CTTNBP2NL: variants seen among roughly 807,000 people sequenced by gnomAD.
CTTNBP2NL encodes CTTNBP2 N-terminal like.
A neutral mutation model predicts 32.5 loss-of-function variants in CTTNBP2NL; 16 were observed. The ratio of observed to expected loss-of-function variants is 0.49; its 90% CI spans 0.33 to 0.75. The LOEUF (loss-of-function observed/expected upper bound fraction) is 0.75, where lower values mean the gene tolerates loss of function less well. Among genes scored for constraint, CTTNBP2NL ranks in the 30% least tolerant of loss-of-function variants. CTTNBP2NL has a pLI of 0.02. For missense variants in CTTNBP2NL, 645 were observed against 756.0 expected, an observed-to-expected ratio of 0.85 and a Z score of 1.72; for synonymous variants, 298 against 289.4, an observed-to-expected ratio of 1.03 and a Z score of -0.30.
intron 3 of CTTNBP2NL, among the ~76,000 whole-genome samples, chr1:112,438,101 C>T (rs984688533): frequency 1.3e-5 from 2 of 152,096 alleles, no homozygotes; most frequent in African/African-American, 4.8e-5. Flanking sequence ...ACATTTAAGT[C>T]TGTAATCCAT....
At position 112,449,063 on chromosome 1, in the gene CTTNBP2NL, C is replaced by T. The variant is rs1284461678; in HGVS notation, c.221C>T (p.Pro74Leu). 1 of 1,612,530 alleles carries T rather than the reference C, an allele frequency of 6.2e-7. No individual in the cohort carries two copies. Among genetic ancestry groups the T allele is most frequent in the African/African-American group, 1.3e-5 (1 of 74,912 alleles). Reference sequence around the variant, plus strand: ...GAGAAAAATGATGGCGAAAAGCAGCCAGTCTGCACAAATCCACTCTCTATT... The same window carrying T: ...GAGAAAAATGATGGCGAAAAGCAGCTAGTCTGCACAAATCCACTCTCTATT... ...LKEKNDGEKQ[P>L]VCTNPLSILK... The change falls in exon 4 of 6, where the codon CCA (proline) becomes CTA (leucine). Residue 74 changes from proline to leucine, a missense_variant. Physicochemically the swap from Pro to Leu is moderately conservative, Grantham distance 98. Transcript: ENST00000271277.
chr1:112,425,734 G>A (rs1335636238), intron 3 of CTTNBP2NL, among the ~76,000 whole-genome samples: 1 of 151,648 alleles, frequency 6.6e-6, no homozygotes, highest in Non-Finnish European at 1.5e-5. Flanking sequence ...ATGGTAGCGT[G>A]CATCTGTAAC....
chr1:112,395,605 G>T (rs936331149), upstream of CTTNBP2NL, among the ~76,000 whole-genome samples: 1 of 152,206 alleles, frequency 6.6e-6, no homozygotes, highest in Non-Finnish European at 1.5e-5. Context: ...AGGTCGGCTG[G>T]GTTTATGTCC....
intron 3 of CTTNBP2NL, among the ~76,000 whole-genome samples, chr1:112,443,438 T>G (rs1193306827): frequency 6.6e-6 from 1 of 152,208 alleles, no homozygotes; most frequent in Non-Finnish European, 1.5e-5. Flanking sequence ...GGTCTTGAAC[T>G]CCTCACCTGA....
At position 112,456,596 on chromosome 1, in the gene CTTNBP2NL, A is replaced by G; in HGVS notation, c.1104A>G (p.Val368=). ...TTRELTAGNN[V]ENQVPPREKS... is the part of the protein sequence containing the mutation. ...GGGAGCTGACTGCAGGCAACAATGT[A>G]GAAAACCAGGTGCCTCCACGGGAAA... is the stretch of plus-strand genomic sequence containing the variant. Residue 368 remains valine, a synonymous_variant, in exon 6 of 6, where the codon GTA becomes GTG. Coordinates refer to ENST00000271277, the MANE Select transcript of CTTNBP2NL (RefSeq NM_018704.3). The G allele has an allele frequency of 1.2e-6, 2 of 1,614,198 alleles. No individual in the cohort carries two copies. The highest frequency in any genetic ancestry group is 1.7e-6 in the Non-Finnish European group (2 of 1,180,026).
At chr1:112,410,294 A>C (rs980000120) in intron 1 of CTTNBP2NL, among the ~76,000 whole-genome samples, 1 of 151,816 alleles carries the variant, frequency 6.6e-6, no homozygotes, top group African/African-American at 2.4e-5. Flanking sequence ...CAGAAGGCTG[A>C]GGTGGGAGAA....
rs201383873 is a variant in CTTNBP2NL at position 112,454,519 on chromosome 1, A to G, written c.401A>G (p.Tyr134Cys). 1.9e-5 allele frequency: 30 copies of G among 1,613,872 alleles called. No homozygotes were observed. The East Asian group carries it at 6.2e-4, about 34-fold the overall frequency. The change falls in exon 5 of 6, where the codon TAC (tyrosine) becomes TGC (cysteine). Residue 134 changes from tyrosine to cysteine, a missense_variant. Tyr to Cys is a radical substitution (Grantham distance 194, BLOSUM62 -2). Transcript: ENST00000271277. Reference protein sequence around the residue: ...QDTAEGDDVTYMLEKERERLT... With the variant: ...QDTAEGDDVTCMLEKERERLT... ...ACGGCTGAAGGAGATGATGTCACCT[A>G]CATGCTAGAGAAGGAAAGAGAGAGG...
chr1:112,446,068 G>A lies in CTTNBP2NL; in HGVS notation c.100-2874G>A, dbSNP rs770495504. The stretch of plus-strand genomic sequence containing the variant: ...TTCCTTTACCATCACTAACCATACT[G>A]AAATGGCTATCATGAATAAGAAATG... On this transcript the variant is annotated intron_variant, in intron 3 of 5. Transcript: ENST00000271277. Among the ~76,000 whole-genome samples the A allele has an allele frequency of 2.8e-4, 43 of 152,198 alleles. 1 individual carries two copies. The highest frequency in any genetic ancestry group is 6.5e-5 in the Admixed American group (1 of 15,288).
intron 3 of CTTNBP2NL, among the ~76,000 whole-genome samples, chr1:112,430,204 T>G (rs397861645): frequency 5.4e-4 from 29 of 53,406 alleles, no homozygotes; most frequent in African/African-American, 1.2e-3. Flanking sequence ...TTCTTTTCTT[T>G]TCTTTTCTTT....
rs1440473775 is a variant in CTTNBP2NL at position 112,457,092 on chromosome 1, C to G, written c.1600C>G (p.Arg534Gly). 3 of 1,614,032 alleles carry G rather than the reference C, an allele frequency of 1.9e-6. No homozygotes were observed. Among genetic ancestry groups the G allele is most frequent in the East Asian group, 2.2e-5 (1 of 44,880 alleles). The change falls in exon 6 of 6, where the codon CGA becomes GGA. Residue 534 changes from arginine (R) to glycine (G), a missense_variant. Coordinates refer to ENST00000271277, the MANE Select transcript of CTTNBP2NL (RefSeq NM_018704.3). Reference sequence around the variant, plus strand: ...CAGCTCTCCCTTTGGCACAGACTATCGAAATCTAGCCAACACTGCCAATCC... The same window carrying G: ...CAGCTCTCCCTTTGGCACAGACTATGGAAATCTAGCCAACACTGCCAATCC... ...PNSSPFGTDYRNLANTANPRG... is the reference protein window; with the variant it reads ...PNSSPFGTDYGNLANTANPRG...
At chr1:112,429,077 A>G (rs926363763) in intron 3 of CTTNBP2NL, among the ~76,000 whole-genome samples, 3 of 152,194 alleles carry the variant, frequency 2.0e-5, no homozygotes, top group African/African-American at 4.8e-5. Flanking sequence ...ATAGCCCTCT[A>G]TGGTTTTCAG....
At position 112,451,821 on chromosome 1, in the gene CTTNBP2NL, A is replaced by G. The variant is rs372914271; in HGVS notation, c.331-2628A>G. On this transcript the variant is annotated intron_variant, in intron 4 of 5. Coordinates refer to ENST00000271277, the MANE Select transcript of CTTNBP2NL (RefSeq NM_018704.3). ...CAAACAAAAAAACAGGCTTTGAGCC[A>G]GTTCTCCTGTTTTCTATTCTACATT... Among the ~76,000 whole-genome samples, 11 of 150,950 alleles carry G rather than the reference A, an allele frequency of 7.3e-5. No homozygotes were observed. In the East Asian group the frequency reaches 1.9e-3, roughly 27 times the overall value.
chr1:112,411,863 G>T (rs1648877942), intron 1 of CTTNBP2NL, among the ~76,000 whole-genome samples: 1 of 152,074 alleles, frequency 6.6e-6, no homozygotes, highest in Non-Finnish European at 1.5e-5. Context: ...TAAGTGCGTT[G>T]TGCTTAAGTC....
intron 3 of CTTNBP2NL, among the ~76,000 whole-genome samples, chr1:112,447,232 C>A (rs1650072808): frequency 6.9e-6 from 1 of 144,130 alleles, no homozygotes; most frequent in African/African-American, 2.6e-5. Flanking sequence ...CAAGATTGTG[C>A]CACTGCTCTC....
rs1023016603 is a variant in CTTNBP2NL, at chr1:112,460,010, T to C, written c.*2598T>C. ...CAGTTAGGTATTATAGATTAGTATTTAAGTTTGCTGTAGATTGTGTGTGTG... is the reference window on the plus strand; with the variant it reads ...CAGTTAGGTATTATAGATTAGTATTCAAGTTTGCTGTAGATTGTGTGTGTG... On this transcript the variant is annotated 3_prime_UTR_variant, in exon 6 of 6. Transcript: ENST00000271277. 6.6e-6 allele frequency: 1 copy of C among 152,200 alleles called. No homozygotes were observed. The highest frequency in any genetic ancestry group is 1.5e-5 in the Non-Finnish European group (1 of 68,034). 9.4% of individuals were successfully genotyped at this position (152,200 alleles called of 1,614,324 possible).
chr1:112,417,143 T>C (rs1262733767), intron 3 of CTTNBP2NL, among the ~76,000 whole-genome samples: 1 of 152,194 alleles, frequency 6.6e-6, no homozygotes, highest in African/African-American at 2.4e-5. Context: ...TCGTTTTCTC[T>C]TTTATAGTTT....
At chr1:112,431,623 T>C (rs1649569907) in intron 3 of CTTNBP2NL, among the ~76,000 whole-genome samples, 1 of 152,220 alleles carries the variant, frequency 6.6e-6, no homozygotes, top group Non-Finnish European at 1.5e-5. Context: ...TATTGGAAAC[T>C]GTAAACAACA....
intron 3 of CTTNBP2NL, among the ~76,000 whole-genome samples, chr1:112,423,837 C>T (rs572215484): frequency 6.6e-6 from 1 of 152,318 alleles, no homozygotes; most frequent in South Asian, 2.1e-4. Flanking sequence ...GATTCTCCTG[C>T]CTCTGCCTCC....
At chr1:112,400,779 C>T (rs552030123) in intron 1 of CTTNBP2NL, among the ~76,000 whole-genome samples, 17 of 150,226 alleles carry the variant, frequency 1.1e-4, no homozygotes, top group African/African-American at 3.7e-4. Flanking sequence ...GCAACAAGAG[C>T]GAAACTCTGT....
Sources: gnomAD v4.1 joint callset for allele counts (sites outside exome capture counted in the v4.1 genomes callset) on GRCh38, gnomAD v4.1.1 for gene constraint, MANE v1.5 for transcripts, NCBI Gene and HGNC (gene_info 2026-07-23, HGNC 2026-07-21) for gene names.